The following WWOX variants were observed in gnomAD, a reference collection of about 807,000 sequenced individuals.
The protein encoded by WWOX is WW domain containing oxidoreductase.
WWOX carries 69 observed loss-of-function variants against 46.2 expected under a neutral mutation model. The observed-to-expected ratio is 1.49, with a 90% confidence interval of 1.23 to 1.82. WWOX has a LOEUF of 1.82. Ranked by LOEUF, WWOX falls within the 40% of genes most tolerant of loss-of-function variation. WWOX has a pLI of 0.00. For missense variants in WWOX, 919 were observed against 542.6 expected, an observed-to-expected ratio of 1.69 and a Z score of -6.89; for synonymous variants, 359 against 202.6, an observed-to-expected ratio of 1.77 and a Z score of -6.56.
intron 8 of WWOX, among the ~76,000 whole-genome samples, chr16:78,572,735 G>A (rs1157874403): frequency 6.6e-6 from 1 of 151,878 alleles, no homozygotes; most frequent in East Asian, 1.9e-4. Context: ...GAAAACCAAG[G>A]GAATGAAGAA....
chr16:78,831,065 T>C (rs758111087), intron 8 of WWOX, among the ~76,000 whole-genome samples: 13 of 152,298 alleles, frequency 8.5e-5, no homozygotes, highest in Admixed American at 3.3e-4. Flanking sequence ...GTGAATTCTG[T>C]AAGAGAAGAA....
rs573994259 is a variant in WWOX, at chr16:78,423,469, G to A, written c.606-1401G>A. Among the ~76,000 whole-genome samples, 12 of 152,166 alleles carry A rather than the reference G, an allele frequency of 7.9e-5. No homozygotes were observed. In the East Asian group the frequency reaches 1.9e-3, roughly 25 times the overall value. On this transcript the variant is annotated intron_variant, in intron 6 of 8. Coordinates refer to ENST00000566780, the MANE Select transcript of WWOX (RefSeq NM_016373.4). ...TAGCCTTGTATATATTTATTTTGTT[G>A]TATAGTTCTTATTGGTACAGTATGA...
chr16:78,415,425 G>T (rs546427007), intron 6 of WWOX, among the ~76,000 whole-genome samples: 1 of 152,150 alleles, frequency 6.6e-6, no homozygotes, highest in East Asian at 1.9e-4. Flanking sequence ...CCTGTATCTT[G>T]TGCTGACCTC....
intron 8 of WWOX, among the ~76,000 whole-genome samples, chr16:78,503,287 C>G (rs532741610): frequency 6.6e-6 from 1 of 152,234 alleles, no homozygotes; most frequent in Non-Finnish European, 1.5e-5. Context: ...TTCATTTTCA[C>G]TGAACTGAAA....
intron 8 of WWOX, chr16:78,551,165 T>C (rs1412958296): frequency 6.6e-6 from 1 of 152,196 alleles, no homozygotes; most frequent in Non-Finnish European, 1.5e-5. Flanking sequence ...ATCATGAATT[T>C]ATTCCATGAA....
At chr16:78,420,651 A>ATGGTTTTTTT (rs75985674) in intron 6 of WWOX, among the ~76,000 whole-genome samples, 1 of 139,154 alleles carries the variant, frequency 7.2e-6, no homozygotes, top group Admixed American at 7.0e-5. Flanking sequence ...GTGATTGCTA[A>ATGGTTTTTTT]TTTTTTTTTT....
At chr16:78,739,127 G>T (rs930409889) in intron 8 of WWOX, among the ~76,000 whole-genome samples, 2 of 152,160 alleles carry the variant, frequency 1.3e-5, no homozygotes, top group Non-Finnish European at 2.9e-5. Context: ...CAGCAGGCCA[G>T]TGGTAACCTC....
Position 78,888,628 on chromosome 16 carries a change from C to T in WWOX, c.1057-322980C>T, listed in dbSNP as rs570906313. On this transcript the variant is annotated intron_variant, in intron 8 of 8. Transcript: ENST00000566780. ...AGGACTTAAATGTGTCCCTGCTGAC[C>T]GAGCCAGAACTTATTTTTATGTTGC... Among the ~76,000 whole-genome samples the T allele has an allele frequency of 3.9e-5, 6 of 152,144 alleles. No individual in the cohort carries two copies. The South Asian group carries it at 1.0e-3, about 26-fold the overall frequency.
intron 8 of WWOX, among the ~76,000 whole-genome samples, chr16:78,563,552 T>G (rs574035452): frequency 3.4e-4 from 51 of 150,872 alleles, no homozygotes; most frequent in African/African-American, 1.2e-3. Context: ...TTTCTCCTAT[T>G]GCAATAGAAC....
Position 78,347,546 on chromosome 16 carries a change from G to A in WWOX, c.517-39314G>A, listed in dbSNP as rs1203459856. On this transcript the variant is annotated intron_variant, in intron 5 of 8. Transcript: ENST00000566780. Reference sequence around the variant, plus strand: ...GCATGTTCCTGAGCTTCTTAGGCGTGTTGCATCTTCCTGACCTTCCCAGTC... The same window carrying A: ...GCATGTTCCTGAGCTTCTTAGGCGTATTGCATCTTCCTGACCTTCCCAGTC... 3.4e-5 allele frequency among the ~76,000 whole-genome samples: 4 copies of A among 118,694 alleles called. 2 individuals carry two copies. The highest frequency in any genetic ancestry group is 8.0e-5 in the Non-Finnish European group (4 of 50,008). 77.9% of individuals were successfully genotyped at this position (118,694 alleles called of 152,430 possible).
intron 8 of WWOX, chr16:79,206,445 C>G (rs1158119820): frequency 6.6e-6 from 1 of 152,178 alleles, no homozygotes; most frequent in African/African-American, 2.4e-5. Context: ...ATCAGGTAGG[C>G]TTCTCTCTAA....
intron 8 of WWOX, among the ~76,000 whole-genome samples, chr16:79,156,943 C>T (rs1244999906): frequency 6.6e-6 from 1 of 152,208 alleles, no homozygotes; most frequent in East Asian, 1.9e-4. Context: ...GAATTATCAT[C>T]AGAAGAATGA....
intron 6 of WWOX, among the ~76,000 whole-genome samples, chr16:78,417,366 T>G (rs948827334): frequency 1.3e-5 from 2 of 152,190 alleles, no homozygotes; most frequent in Non-Finnish European, 2.9e-5. Flanking sequence ...GTGCTGAGAT[T>G]ACAGGCATGA....
intron 8 of WWOX, among the ~76,000 whole-genome samples, chr16:79,055,917 A>T (rs1024458361): frequency 3.3e-5 from 5 of 152,186 alleles, no homozygotes; most frequent in African/African-American, 1.2e-4. Flanking sequence ...AAGAAGAGGG[A>T]AGGTCTCCCA....
At chr16:78,178,347 T>C (rs1238602697) in intron 5 of WWOX, among the ~76,000 whole-genome samples, 1 of 152,204 alleles carries the variant, frequency 6.6e-6, no homozygotes, top group African/African-American at 2.4e-5. Context: ...CAAAATTGTC[T>C]CTGTTTATTG....
intron 8 of WWOX, among the ~76,000 whole-genome samples, chr16:78,624,443 A>G (rs1377553756): frequency 6.6e-6 from 1 of 152,188 alleles, no homozygotes; most frequent in Non-Finnish European, 1.5e-5. Context: ...TATCACATTA[A>G]TACTGACTCA....
chr16:78,396,805 C>T (rs6564538), intron 6 of WWOX, among the ~76,000 whole-genome samples: 13,173 of 152,184 alleles, frequency 0.087, 786 homozygotes, highest in South Asian at 0.17. Flanking sequence ...TTACATGAGA[C>T]TATTGTAATA....
At chr16:78,388,969 C>CAAA (rs71137896) in intron 6 of WWOX, among the ~76,000 whole-genome samples, 8 of 129,268 alleles carry the variant, frequency 6.2e-5, no homozygotes, top group Admixed American at 1.6e-4. Flanking sequence ...AACTCTGTCT[C>CAAA]AAAAAAAAAA....
intron 8 of WWOX, among the ~76,000 whole-genome samples, chr16:78,578,254 TTATATATATATATATA>T (rs1194130355): frequency 3.2e-5 from 1 of 31,630 alleles, no homozygotes; most frequent in South Asian, 2.0e-3. Context: ...ATACCAAATT[TTATATATATATATATA>T]TATATATATA....
Sources: allele counts gnomAD v4.1 joint callset (sites outside exome capture counted in the v4.1 genomes callset), GRCh38; gene constraint gnomAD v4.1.1; transcripts MANE v1.5; gene names NCBI Gene and HGNC (gene_info 2026-07-23, HGNC 2026-07-21).